ASCC3: variants seen among roughly 807,000 people sequenced by gnomAD.
ASCC3 encodes the protein activating signal cointegrator 1 complex subunit 3, also known as ASC-1 complex subunit P200.
ASCC3 carries 158 observed loss-of-function variants against 256.3 expected under a neutral mutation model. The ratio of observed to expected loss-of-function variants is 0.62; its 90% CI spans 0.54 to 0.70. The LOEUF is 0.70. Among genes scored for constraint, ASCC3 ranks in the 30% least tolerant of loss-of-function variants. ASCC3 has a pLI of 0.00. For synonymous variants in ASCC3, 948 were observed against 883.4 expected, an observed-to-expected ratio of 1.07 and a Z score of -1.30; for missense variants, 2,259 against 2,626.0, an observed-to-expected ratio of 0.86 and a Z score of 3.05.
rs1315642748 is a variant in ASCC3, at chr6:100,831,988, A to C, written c.801+16160T>G. Among the ~76,000 whole-genome samples the C allele has an allele frequency of 3.9e-5, 6 of 152,184 alleles. No homozygotes were observed. The East Asian group carries it at 1.2e-3, about 29-fold the overall frequency. On this transcript the variant is annotated intron_variant, in intron 4 of 41. Transcript: ENST00000369162. ...CAGATAATTCTGTGGAAATAGTACA[A>C]AGAATTCACCTCGAATGCAAGACAG...
In ASCC3 at chr6:100,767,294, T is replaced by C. The variant is rs764845509; in HGVS notation, c.1447A>G (p.Ile483Val). 3.7e-6 allele frequency: 6 copies of C among 1,613,912 alleles called. No homozygotes were observed. The Admixed American group carries it at 5.0e-5, about 13-fold the overall frequency. Reference protein sequence around the residue: ...GMKRLNRIQSIVFETAYNTNE... With the variant: ...GMKRLNRIQSVVFETAYNTNE... ...GTGTTGTAGGCAGTCTCAAACACTA[T>C]TGACTGGATTCTATTGAGTCTCTTC... The change falls in exon 9 of 42, where the codon ATA becomes GTA. Residue 483 changes from isoleucine (I) to valine (V), a missense_variant. Coordinates refer to ENST00000369162, the MANE Select transcript of ASCC3 (RefSeq NM_006828.4).
intron 13 of ASCC3, 93 bp from the exon 14 acceptor site, chr6:100,679,845 A>C (rs1008869200): frequency 1.1e-5 from 15 of 1,363,898 alleles, no homozygotes; most frequent in Non-Finnish European, 1.6e-5. Context: ...AACAACTATT[A>C]ATTTCTCAAA....
At chr6:100,769,689 A>G (rs1035180385) in intron 8 of ASCC3, among the ~76,000 whole-genome samples, 14 of 151,862 alleles carry the variant, frequency 9.2e-5, no homozygotes, top group African/African-American at 3.1e-4. Flanking sequence ...AAATTGATTA[A>G]CCTCTGGGCA....
In ASCC3 at chr6:100,579,950, A is replaced by G. The variant is rs545080555; in HGVS notation, c.5550+9684T>C. Among the ~76,000 whole-genome samples, 16 of 152,292 alleles carry G rather than the reference A, an allele frequency of 1.1e-4. No homozygotes were observed. In the South Asian group the frequency reaches 2.9e-3, roughly 28 times the overall value. On this transcript the variant is annotated intron_variant, in intron 36 of 41. Coordinates refer to ENST00000369162, the MANE Select transcript of ASCC3 (RefSeq NM_006828.4). The stretch of plus-strand genomic sequence containing the variant: ...CATTTTAACAATAGCGATTCTTCCT[A>G]TTCATGAATACGAAAGGTTTTTCCA...
At chr6:100,766,539 A>G (rs1225378074) in intron 10 of ASCC3, 26 bp downstream of exon 10, 22 of 1,612,160 alleles carry the variant, frequency 1.4e-5, no homozygotes, top group Non-Finnish European at 1.8e-5. Context: ...ATGGTATTAA[A>G]CAAAAAATCT....
intron 4 of ASCC3, among the ~76,000 whole-genome samples, chr6:100,815,457 T>C (rs1161785598): frequency 2.0e-5 from 3 of 151,172 alleles, no homozygotes; most frequent in Non-Finnish European, 4.4e-5. Flanking sequence ...CTCAGATAGC[T>C]AAGGCAATCC....
intron 17 of ASCC3, 29 bp downstream of exon 17, chr6:100,655,670 A>G: frequency 1.3e-6 from 2 of 1,527,150 alleles, no homozygotes; most frequent in Non-Finnish European, 1.8e-6. Flanking sequence ...GAAGGTCTGA[A>G]TTTTTTTTTT....
chr6:100,808,615 T>A (rs556913648), intron 4 of ASCC3, among the ~76,000 whole-genome samples: 215 of 152,068 alleles, frequency 1.4e-3, no homozygotes, highest in African/African-American at 4.9e-3. Flanking sequence ...TGTAAAATAA[T>A]GATACTTTTC....
rs1239461001 is a variant in ASCC3 at position 100,638,649 on chromosome 6, T to C, written c.4074A>G (p.Ala1358=). The change falls in exon 25 of 42, where the codon GCA becomes GCG. Residue 1358 remains alanine (A), a synonymous_variant. Coordinates refer to ENST00000369162, the MANE Select transcript of ASCC3 (RefSeq NM_006828.4). ...GAPTGSGKTV[A]AELAIFRVFN... ...AGACTCTGAAAATGGCTAATTCAGC[T>C]GCAACAGTCTTTCCCGATCCAGTAG... 2 of 1,613,954 alleles carry C rather than the reference T, an allele frequency of 1.2e-6. No individual in the cohort carries two copies.
At chr6:100,836,757 A>G (rs764869387) in intron 4 of ASCC3, among the ~76,000 whole-genome samples, 51 of 152,128 alleles carry the variant, frequency 3.4e-4, no homozygotes, top group Non-Finnish European at 6.3e-4. Flanking sequence ...CTTAGCCTGT[A>G]GCATGACTTT....
At chr6:100,669,884 T>C (rs992903547) in intron 14 of ASCC3, among the ~76,000 whole-genome samples, 6 of 151,870 alleles carry the variant, frequency 4.0e-5, no homozygotes, top group Non-Finnish European at 7.4e-5. Context: ...AAACATCAAG[T>C]ATTTAATAAT....
intron 14 of ASCC3, among the ~76,000 whole-genome samples, chr6:100,668,732 C>T (rs1776598729): frequency 6.6e-6 from 1 of 151,946 alleles, no homozygotes; most frequent in South Asian, 2.1e-4. Context: ...AAGTACTCTT[C>T]AACCCCAGAA....
intron 11 of ASCC3, among the ~76,000 whole-genome samples, chr6:100,725,140 C>T (rs1303549244): frequency 6.6e-6 from 1 of 151,748 alleles, no homozygotes; most frequent in African/African-American, 2.4e-5. Flanking sequence ...GAATAAAAGA[C>T]AATAAATGAG....
chr6:100,751,074 A>G (rs1266459944), intron 10 of ASCC3, among the ~76,000 whole-genome samples: 10 of 152,006 alleles, frequency 6.6e-5, no homozygotes, highest in Admixed American at 3.3e-4. Context: ...ACTGGCTCAT[A>G]ATCCAGATAA....
Position 100,651,466 on chromosome 6 carries a change from C to A in ASCC3, c.3075+94G>T. The A allele has an allele frequency of 5.7e-6, 3 of 529,146 alleles. No homozygotes were observed. In the South Asian group the frequency reaches 1.1e-4, roughly 20 times the overall value. The allele number at this position is 529,146 out of a possible 1,614,324, so 32.8% of individuals were successfully genotyped here. On this transcript the variant is annotated intron_variant, in intron 19 of 41. Coordinates refer to ENST00000369162, the MANE Select transcript of ASCC3 (RefSeq NM_006828.4). ...TTGCTGATATTCCAAATGTGATGTG[C>A]CATACAGCTTATATGGTATTAATGA...
chr6:100,815,565 G>A (rs1462074828), intron 4 of ASCC3, among the ~76,000 whole-genome samples: 4 of 152,018 alleles, frequency 2.6e-5, no homozygotes, highest in Admixed American at 1.3e-4. Flanking sequence ...TACAAAAACT[G>A]ATATATAGAC....
chr6:100,608,087 TATCTATATACA>T (rs371478622), intron 30 of ASCC3, among the ~76,000 whole-genome samples: 1,328 of 130,254 alleles, frequency 0.01, 51 homozygotes, highest in African/African-American at 0.036. Context: ...TATGTATATA[TATCTATATACA>T]CATATATATG....
At chr6:100,522,010 T>A (rs1366218983) in intron 37 of ASCC3, among the ~76,000 whole-genome samples, 1 of 152,176 alleles carries the variant, frequency 6.6e-6, no homozygotes, top group Non-Finnish European at 1.5e-5. Flanking sequence ...TTTTTAGGGA[T>A]CTAATACTCA....
At position 100,540,341 on chromosome 6, in the gene ASCC3, T is replaced by A; in HGVS notation, c.5597A>T (p.His1866Leu). Residue 1866 changes from histidine (H) to leucine (L), a missense_variant, in exon 37 of 42, where the codon CAT (histidine) becomes CTT (leucine). Physicochemically the swap from His to Leu is moderately conservative, Grantham distance 99. Coordinates refer to ENST00000369162, the MANE Select transcript of ASCC3 (RefSeq NM_006828.4). ...TDLPVRHNEDHMNSELAKCLP... is the reference protein window; with the variant it reads ...TDLPVRHNEDLMNSELAKCLP... ...ACATTTTGCCAGTTCACTATTCATA[T>A]GATCTTCATTGTGTCTCACTGGCAA... is the stretch of plus-strand genomic sequence containing the variant. 2 of 1,613,836 alleles carry A rather than the reference T, an allele frequency of 1.2e-6. No homozygotes were observed. Among genetic ancestry groups the A allele is most frequent in the Non-Finnish European group, 1.7e-6 (2 of 1,179,956 alleles).
Sources: allele counts gnomAD v4.1 joint callset (sites outside exome capture counted in the v4.1 genomes callset), GRCh38; gene constraint gnomAD v4.1.1; transcripts MANE v1.5; gene names NCBI Gene and HGNC (gene_info 2026-07-23, HGNC 2026-07-21).